SYCE1L: variants seen among roughly 807,000 people sequenced by gnomAD.
The protein encoded by SYCE1L is synaptonemal complex central element protein 1-like.
SYCE1L carries 51 observed loss-of-function variants against 39.6 expected under a neutral mutation model. The ratio of observed to expected loss-of-function variants is 1.29; its 90% CI spans 1.03 to 1.63. SYCE1L has a LOEUF of 1.63. Ranked by LOEUF, SYCE1L falls within the 40% of genes most tolerant of loss-of-function variation. The probability of loss-of-function intolerance (pLI) is 0.00; values close to 1 mark genes in which losing one functional copy is unlikely to be tolerated. For missense variants in SYCE1L, 426 were observed against 304.9 expected (o/e 1.40, Z -2.96); for synonymous variants, 147 against 122.4 (o/e 1.20, Z -1.33).
chr16:77,212,779 G>C (rs368305856), intron 10 of SYCE1L, 78 bp from the exon 11 acceptor site: 3 of 1,421,296 alleles, frequency 2.1e-6, no homozygotes, highest in Non-Finnish European at 1.8e-6. Context: ...AGGAAGCCGC[G>C]GTGGAGGCCT....
rs1343258185 is a variant in SYCE1L, at chr16:77,212,976, A to G, written c.*45A>G. Reference sequence around the variant, plus strand: ...TCCCGACCTTCCCTCGAGACCCGCCAAGAAATAAAGGCGATGATTTCCGAC... The same window carrying G: ...TCCCGACCTTCCCTCGAGACCCGCCGAGAAATAAAGGCGATGATTTCCGAC... On this transcript the variant is annotated 3_prime_UTR_variant, in exon 11 of 11. Coordinates refer to ENST00000378644, the MANE Select transcript of SYCE1L (RefSeq NM_001129979.3). The G allele has an allele frequency of 1.4e-6, 2 of 1,445,336 alleles. No individual in the cohort carries two copies. The highest frequency in any genetic ancestry group is 1.4e-5 in the African/African-American group (1 of 69,018). 89.5% of individuals were successfully genotyped at this position (1,445,336 alleles called of 1,614,324 possible).
chr16:77,206,885 C>T (rs560029794), intron 2 of SYCE1L, among the ~76,000 whole-genome samples: 187 of 152,242 alleles, frequency 1.2e-3, no homozygotes, highest in Admixed American at 2.0e-3. Context: ...GGTTTTGCAC[C>T]TTGCTTTGCT....
At position 77,213,022 on chromosome 16, in the gene SYCE1L, A is replaced by C; in HGVS notation, c.*91A>C. 7.5e-7 allele frequency: 1 copy of C among 1,327,562 alleles called. No individual in the cohort carries two copies. The highest frequency in any genetic ancestry group is 1.5e-5 in the South Asian group (1 of 65,384). The allele number at this position is 1,327,562 out of a possible 1,614,324, so 82.2% of individuals were successfully genotyped here. On this transcript the variant is annotated 3_prime_UTR_variant, in exon 11 of 11. Coordinates refer to ENST00000378644, the MANE Select transcript of SYCE1L (RefSeq NM_001129979.3). The stretch of plus-strand genomic sequence containing the variant: ...CCGACCATGCTCGCGTTCTCCGCGG[A>C]GTCTGTGCTACACCGTGGAGCGGGG...
chr16:77,199,545 C>T lies in SYCE1L; in HGVS notation c.61+33C>T, dbSNP rs1487032780. 18 of 1,495,758 alleles carry T rather than the reference C, an allele frequency of 1.2e-5. No homozygotes were observed. In the Admixed American group the frequency reaches 1.4e-4, roughly 11 times the overall value. The allele number at this position is 1,495,758 out of a possible 1,614,324, so 92.7% of individuals were successfully genotyped here. A position where few individuals can be genotyped will look rare whatever the true frequency, so the allele number is the denominator to read the frequency against. On this transcript the variant is annotated intron_variant, in intron 1 of 10. Coordinates refer to ENST00000378644, the MANE Select transcript of SYCE1L (RefSeq NM_001129979.3). ...GGGCAAGTGGGCTGCACTCCTTTCT[C>T]TCCAACCAGGGCAGAAAGGAGGGAG...
chr16:77,200,266 A>ATGTGTG (rs1555502398), intron 1 of SYCE1L: 6 of 111,310 alleles, frequency 5.4e-5, no homozygotes, highest in African/African-American at 1.7e-4. Flanking sequence ...GTATATATAT[A>ATGTGTG]TATATGTGTA....
chr16:77,207,617 C>T (rs2054794395), intron 2 of SYCE1L, among the ~76,000 whole-genome samples: 1 of 152,164 alleles, frequency 6.6e-6, no homozygotes, highest in East Asian at 1.9e-4. Context: ...TCTCCATTGG[C>T]TCACACCACA....
In SYCE1L at chr16:77,213,134, T is replaced by G; in HGVS notation, c.*203T>G. On this transcript the variant is annotated 3_prime_UTR_variant, in exon 11 of 11. Coordinates refer to ENST00000378644, the MANE Select transcript of SYCE1L (RefSeq NM_001129979.3). ...GGGCGCCGTACAGAGGCTGGGTAAA[T>G]GCTCCTGAACTCAGAGAGAGTAAGT... 4.4e-6 allele frequency: 2 copies of G among 456,112 alleles called. No individual in the cohort carries two copies. The allele number at this position is 456,112 out of a possible 1,614,324, so 28.3% of individuals were successfully genotyped here.
At position 77,212,188 on chromosome 16, in the gene SYCE1L, T is replaced by G; in HGVS notation, c.482T>G (p.Leu161Arg). Residue 161 changes from leucine (L) to arginine (R), a missense_variant, in exon 8 of 11, where the codon CTG becomes CGG. Leu to Arg is a moderately radical substitution (Grantham distance 102). Coordinates refer to ENST00000378644, the MANE Select transcript of SYCE1L (RefSeq NM_001129979.3). The stretch of plus-strand genomic sequence containing the variant: ...GCCCTGGAGAGAAGCAAGGAGCAGC[T>G]GCTCTCGGAGAGTGAGCCTCCCGCG... Reference protein sequence around the residue: ...IRALERSKEQLLSERRLVRAK... With the variant: ...IRALERSKEQRLSERRLVRAK... The G allele has an allele frequency of 6.5e-7, 1 of 1,548,566 alleles. No homozygotes were observed. The highest frequency in any genetic ancestry group is 2.5e-5 in the East Asian group (1 of 40,740).
chr16:77,212,273 C>A lies in SYCE1L; in HGVS notation c.494-9C>A. On this transcript the variant is annotated splice_polypyrimidine_tract_variant and intron_variant, in intron 8 of 10. Coordinates refer to ENST00000378644, the MANE Select transcript of SYCE1L (RefSeq NM_001129979.3). ...CTCGGCCCTGCCCCTGACGCCCGCC[C>A]ACCGACAGGGAGGCTGGTGCGCGCC... 1 of 1,517,382 alleles carries A rather than the reference C, an allele frequency of 6.6e-7. No homozygotes were observed. The highest frequency in any genetic ancestry group is 8.8e-7 in the Non-Finnish European group (1 of 1,133,234). 94.0% of individuals were successfully genotyped at this position (1,517,382 alleles called of 1,614,324 possible). A position where few individuals can be genotyped will look rare whatever the true frequency, so the allele number is the denominator to read the frequency against.
chr16:77,201,164 A>C (rs1423021878), intron 1 of SYCE1L: 1 of 152,208 alleles, frequency 6.6e-6, no homozygotes, highest in Non-Finnish European at 1.5e-5. Flanking sequence ...GTAATTTTTT[A>C]ATGTGTGACC....
chr16:77,213,030 C>G lies in SYCE1L; in HGVS notation c.*99C>G. On this transcript the variant is annotated 3_prime_UTR_variant, in exon 11 of 11. Transcript: ENST00000378644. Reference sequence around the variant, plus strand: ...GCTCGCGTTCTCCGCGGAGTCTGTGCTACACCGTGGAGCGGGGCGGGGCGT... The same window carrying G: ...GCTCGCGTTCTCCGCGGAGTCTGTGGTACACCGTGGAGCGGGGCGGGGCGT... The G allele has an allele frequency of 2.5e-6, 3 of 1,214,380 alleles. No homozygotes were observed. The highest frequency in any genetic ancestry group is 4.2e-5 in the South Asian group (2 of 47,728). 75.2% of individuals were successfully genotyped at this position (1,214,380 alleles called of 1,614,324 possible). A position where few individuals can be genotyped will look rare whatever the true frequency, so the allele number is the denominator to read the frequency against.
At position 77,213,207 on chromosome 16, in the gene SYCE1L, CATCT is replaced by C; in HGVS notation, c.*279_*282del. 2.7e-6 allele frequency: 1 copy of C among 364,932 alleles called. No individual in the cohort carries two copies. Among genetic ancestry groups the C allele is most frequent in the Middle Eastern group, 6.8e-4 (1 of 1,460 alleles). The allele number at this position is 364,932 out of a possible 1,614,324, so 22.6% of individuals were successfully genotyped here. ...ACGGCCTCATCTCGAGTTCCCAAAC[CATCT>C]ATGTTGTCAACAGGGGCCGGAGGGC... On this transcript the variant is annotated 3_prime_UTR_variant, in exon 11 of 11. Coordinates refer to ENST00000378644, the MANE Select transcript of SYCE1L (RefSeq NM_001129979.3).
At chr16:77,209,172 A>G (rs990007980) in intron 5 of SYCE1L, 28 bp downstream of exon 5, 9 of 1,550,770 alleles carry the variant, frequency 5.8e-6, no homozygotes, top group Admixed American at 2.0e-5. Flanking sequence ...TGTCTTCCTT[A>G]TTCTACTCTT....
intron 1 of SYCE1L, chr16:77,200,601 C>T (rs1432448911): frequency 6.6e-6 from 1 of 151,778 alleles, no homozygotes; most frequent in Non-Finnish European, 1.5e-5. Context: ...ACTAAAAATA[C>T]AAAAATTGTC....
At chr16:77,202,546 A>T (rs2054753776) in intron 1 of SYCE1L, 1 of 152,238 alleles carries the variant, frequency 6.6e-6, no homozygotes, top group African/African-American at 2.4e-5. Flanking sequence ...GGAAAAACAC[A>T]GATGGAGCTT....
chr16:77,207,493 A>G (rs1270229506), intron 2 of SYCE1L, among the ~76,000 whole-genome samples: 1 of 152,226 alleles, frequency 6.6e-6, no homozygotes, highest in African/African-American at 2.4e-5. Flanking sequence ...GCTGCCACCA[A>G]CAGTGTAAAA....
chr16:77,210,662 G>C (rs1367713186), intron 6 of SYCE1L, among the ~76,000 whole-genome samples: 1 of 152,152 alleles, frequency 6.6e-6, no homozygotes. Context: ...TATAGAATCT[G>C]TGGTGCCAAA....
Position 77,208,450 on chromosome 16 carries a change from C to G in SYCE1L, c.182-15C>G, listed in dbSNP as rs758636281. Reference sequence around the variant, plus strand: ...GACTACACTCATACAGTGTCTTTTTCCCTTCTTGGCCCAGCAAAGAAGAAA... The same window carrying G: ...GACTACACTCATACAGTGTCTTTTTGCCTTCTTGGCCCAGCAAAGAAGAAA... On this transcript the variant is annotated splice_polypyrimidine_tract_variant and intron_variant, in intron 3 of 10. Coordinates refer to ENST00000378644, the MANE Select transcript of SYCE1L (RefSeq NM_001129979.3). The G allele has an allele frequency of 7.1e-6, 11 of 1,551,222 alleles. No individual in the cohort carries two copies. Among genetic ancestry groups the G allele is most frequent in the Non-Finnish European group, 9.6e-6 (11 of 1,146,882 alleles).
In SYCE1L at chr16:77,212,174, A is replaced by T; in HGVS notation, c.468A>T (p.Arg156Ser). The T allele has an allele frequency of 6.5e-7, 1 of 1,549,052 alleles. No individual in the cohort carries two copies. The highest frequency in any genetic ancestry group is 8.7e-7 in the Non-Finnish European group (1 of 1,146,504). Residue 156 changes from arginine to serine, a missense_variant, in exon 8 of 11, where the codon AGA becomes AGT. By Grantham distance (110) the Arg-to-Ser change is moderately radical (BLOSUM62 -1). Transcript: ENST00000378644. ...RLAREIRALE[R>S]SKEQLLSERR... is the part of the protein sequence containing the mutation. ...CCCGGGAGATCCGTGCCCTGGAGAG[A>T]AGCAAGGAGCAGCTGCTCTCGGAGA...
Sources: gnomAD v4.1 joint callset for allele counts (sites outside exome capture counted in the v4.1 genomes callset) on GRCh38, gnomAD v4.1.1 for gene constraint, MANE v1.5 for transcripts, NCBI Gene and HGNC (gene_info 2026-07-23, HGNC 2026-07-21) for gene names.